GFRA2: variants seen among roughly 807,000 people sequenced by gnomAD.
GFRA2 encodes GDNF family receptor alpha 2, also known as GDNF family receptor alpha-2.
GFRA2 carries 17 observed loss-of-function variants against 48.3 expected under a neutral mutation model. The observed-to-expected ratio is 0.35, with a 90% CI of 0.24 to 0.53. The LOEUF (loss-of-function observed/expected upper bound fraction) is 0.53. Among genes scored for constraint, GFRA2 ranks in the 20% least tolerant of loss-of-function variants. The probability of loss-of-function intolerance (pLI) is 0.93; values close to 1 mark genes in which losing one functional copy is unlikely to be tolerated. For missense variants in GFRA2, 660 were observed against 637.3 expected (o/e 1.04, Z -0.38); for synonymous variants, 305 against 257.2 (o/e 1.19, Z -1.78).
intron 1 of GFRA2, among the ~76,000 whole-genome samples, chr8:21,783,639 C>T (rs979111393): frequency 6.6e-6 from 1 of 152,074 alleles, no homozygotes; most frequent in East Asian, 1.9e-4. Flanking sequence ...CCCCCTCACC[C>T]CTCCACACCT....
chr8:21,732,735 C>A (rs993519213), intron 4 of GFRA2, among the ~76,000 whole-genome samples: 8 of 152,124 alleles, frequency 5.3e-5, no homozygotes, highest in African/African-American at 1.7e-4. Context: ...TGAAGGAATT[C>A]AAAAAATTAG....
chr8:21,706,262 C>T (rs923581118), intron 4 of GFRA2: 11 of 650,598 alleles, frequency 1.7e-5, no homozygotes, highest in Middle Eastern at 2.4e-4. Context: ...GCACATAGTG[C>T]GGCTTAAGAA....
At chr8:21,771,665 G>C (rs1383379956) in intron 3 of GFRA2, among the ~76,000 whole-genome samples, 3 of 152,158 alleles carry the variant, frequency 2.0e-5, no homozygotes, top group Non-Finnish European at 4.4e-5. Flanking sequence ...CGTTCCAGGA[G>C]GCCCCTATAA....
chr8:21,722,346 A>G (rs953552000), intron 4 of GFRA2, among the ~76,000 whole-genome samples: 1 of 152,240 alleles, frequency 6.6e-6, no homozygotes, highest in African/African-American at 2.4e-5. Flanking sequence ...TCACTGGAGC[A>G]TATAAGACCA....
At chr8:21,735,371 C>T (rs114192761) in intron 4 of GFRA2, among the ~76,000 whole-genome samples, 2 of 150,270 alleles carry the variant, frequency 1.3e-5, no homozygotes, top group South Asian at 2.1e-4. Context: ...GAAACCAAGC[C>T]CCCCCCCAAT....
rs1585345741 is a variant in GFRA2 at position 21,788,347 on chromosome 8, T to A, written c.-188A>T. On this transcript the variant is annotated 5_prime_UTR_variant, in exon 1 of 9. Coordinates refer to ENST00000524240, the MANE Select transcript of GFRA2 (RefSeq NM_001495.5). ...TCGCCTCTGGCTGGAGGGGGTGGGGTGAGAGGCGGGCGATGGGCTGCTGCC... is the reference window on the plus strand; with the variant it reads ...TCGCCTCTGGCTGGAGGGGGTGGGGAGAGAGGCGGGCGATGGGCTGCTGCC... The A allele has an allele frequency of 7.4e-7, 1 of 1,355,572 alleles. No homozygotes were observed. The highest frequency in any genetic ancestry group is 1.5e-5 in the African/African-American group (1 of 65,454). The allele number at this position is 1,355,572 out of a possible 1,614,324, so 84.0% of individuals were successfully genotyped here.
At position 21,788,435 on chromosome 8, in the gene GFRA2, G is replaced by A; in HGVS notation, c.-276C>T. ...GCGTATCTGTGTATCGGCTTTCTAA[G>A]CCAACAGCCCAGTCCTGGGGTCAGC... On this transcript the variant is annotated 5_prime_UTR_variant, in exon 1 of 9. Coordinates refer to ENST00000524240, the MANE Select transcript of GFRA2 (RefSeq NM_001495.5). 6 of 1,223,644 alleles carry A rather than the reference G, an allele frequency of 4.9e-6. No individual in the cohort carries two copies. The highest frequency in any genetic ancestry group is 2.5e-5 in the South Asian group (1 of 40,336). 75.8% of individuals were successfully genotyped at this position (1,223,644 alleles called of 1,614,324 possible).
At chr8:21,738,900 T>G (rs1476238349) in intron 4 of GFRA2, among the ~76,000 whole-genome samples, 1 of 152,174 alleles carries the variant, frequency 6.6e-6, no homozygotes, top group Non-Finnish European at 1.5e-5. Context: ...GCCTCCTGAA[T>G]GGACTCCAGA....
At chr8:21,740,001 A>C (rs1804671818) in intron 4 of GFRA2, among the ~76,000 whole-genome samples, 1 of 152,194 alleles carries the variant, frequency 6.6e-6, no homozygotes, top group Non-Finnish European at 1.5e-5. Context: ...GGCCCCTCCA[A>C]GCCCAGGGAG....
intron 4 of GFRA2, among the ~76,000 whole-genome samples, chr8:21,716,140 T>C (rs1279152196): frequency 1.3e-5 from 2 of 151,984 alleles, no homozygotes; most frequent in Non-Finnish European, 2.9e-5. Flanking sequence ...CTGGCCAACA[T>C]GGCAAAACTC....
intron 7 of GFRA2, among the ~76,000 whole-genome samples, chr8:21,694,997 C>G (rs539878004): frequency 7.9e-5 from 12 of 152,230 alleles, no homozygotes; most frequent in African/African-American, 2.6e-4. Context: ...ATGGAGGGCT[C>G]TATATAAAAA....
intron 2 of GFRA2, among the ~76,000 whole-genome samples, chr8:21,796,645 C>T (rs1807682252): frequency 6.6e-6 from 1 of 152,248 alleles, no homozygotes; most frequent in African/African-American, 2.4e-5. Context: ...TACCCTCTCA[C>T]CTTGACCTTT....
intron 7 of GFRA2, among the ~76,000 whole-genome samples, chr8:21,701,546 T>G (rs543115359): frequency 6.6e-6 from 1 of 152,328 alleles, no homozygotes; most frequent in African/African-American, 2.4e-5. Flanking sequence ...GGAGGCTCTC[T>G]CAGCTGTCCT....
chr8:21,741,984 T>C (rs2117552954), intron 4 of GFRA2, among the ~76,000 whole-genome samples: 1 of 149,730 alleles, frequency 6.7e-6, no homozygotes, highest in Non-Finnish European at 1.5e-5. Flanking sequence ...AAAATGAGAA[T>C]ATTTAAAAAC....
At chr8:21,712,791 G>A (rs908818100) in intron 4 of GFRA2, among the ~76,000 whole-genome samples, 17 of 152,126 alleles carry the variant, frequency 1.1e-4, no homozygotes, top group African/African-American at 3.1e-4. Context: ...GATCACTCGC[G>A]GTTAGGAGCT....
chr8:21,776,114 C>T (rs1806694612), intron 2 of GFRA2, among the ~76,000 whole-genome samples: 2 of 152,004 alleles, frequency 1.3e-5, no homozygotes, highest in African/African-American at 4.8e-5. Flanking sequence ...CAGGCACCCT[C>T]TGCCTAAGAG....
chr8:21,736,941 G>T (rs1804496383), intron 4 of GFRA2, among the ~76,000 whole-genome samples: 1 of 149,278 alleles, frequency 6.7e-6, no homozygotes, highest in Non-Finnish European at 1.5e-5. Flanking sequence ...GAGAGGGGAG[G>T]GGAGGGGAGG....
intron 2 of GFRA2, among the ~76,000 whole-genome samples, chr8:21,776,456 T>C (rs1289303572): frequency 6.8e-6 from 1 of 146,068 alleles, no homozygotes; most frequent in East Asian, 2.0e-4. Flanking sequence ...AACAGCCTCA[T>C]CCAGACGAGA....
In GFRA2 at chr8:21,702,810, C is replaced by A. The variant is rs1802547957; in HGVS notation, c.1213G>T (p.Val405Phe). 1 of 1,604,096 alleles carries A rather than the reference C, an allele frequency of 6.2e-7. No individual in the cohort carries two copies. Among genetic ancestry groups the A allele is most frequent in the Admixed American group, 1.7e-5 (1 of 58,954 alleles). Residue 405 changes from valine (V) to phenylalanine (F), a missense_variant, in exon 7 of 9, where the codon GTC becomes TTC. Val to Phe is a conservative substitution (Grantham distance 50). Transcript: ENST00000524240. ...GTSVITTCTS[V>F]QEQGLKANNS... ...CCTCAGCCACACACCCTCACCTGGA[C>A]AGACGTGCAGGTGGTGATGACACTG...
Sources: gnomAD v4.1 joint callset for allele counts (sites outside exome capture counted in the v4.1 genomes callset) on GRCh38, gnomAD v4.1.1 for gene constraint, MANE v1.5 for transcripts, NCBI Gene and HGNC (gene_info 2026-07-23, HGNC 2026-07-21) for gene names.